The following TAF1C variants were observed in gnomAD, a reference collection of about 807,000 sequenced individuals.
The protein encoded by TAF1C is TATA-box binding protein associated factor, RNA polymerase I subunit C.
Under a neutral mutation model 70.5 loss-of-function variants are expected in TAF1C, and 79 were observed. The ratio of observed to expected loss-of-function variants is 1.12; its 90% CI spans 0.93 to 1.35. TAF1C has a LOEUF of 1.35. Ranked by LOEUF, TAF1C falls within the 40% of genes most tolerant of loss-of-function variation. The pLI, the probability that TAF1C is intolerant of heterozygous loss-of-function variation, is 0.00. For synonymous variants in TAF1C, 614 were observed against 491.1 expected (o/e 1.25, Z -3.31); for missense variants, 1,412 against 1,127.8 (o/e 1.25, Z -3.61).
At chr16:84,180,538 C>A (rs2089101811) in intron 12 of TAF1C, 194 bp from the exon 13 acceptor site, 2 of 634,656 alleles carry the variant, frequency 3.2e-6, no homozygotes, top group Non-Finnish European at 5.1e-6. Context: ...CCAATTCTGA[C>A]CGACAGTCCG....
In TAF1C at chr16:84,179,020, C is replaced by G. The variant is rs761233475; in HGVS notation, c.2453G>C (p.Arg818Pro). The G allele has an allele frequency of 6.2e-7, 1 of 1,610,712 alleles. No homozygotes were observed. Among genetic ancestry groups the G allele is most frequent in the African/African-American group, 1.3e-5 (1 of 75,040 alleles). The change falls in exon 15 of 15, where the codon CGG (arginine) becomes CCG (proline). Residue 818 changes from arginine to proline, a missense_variant. Physicochemically the swap from Arg to Pro is moderately radical, Grantham distance 103. Transcript: ENST00000566732. ...TPPHSQASSVRATRSQQHTPV... is the reference protein window; with the variant it reads ...TPPHSQASSVPATRSQQHTPV... ...TGTGTGCTGCTGGGAGCGAGTGGCC[C>G]GGACGCTGGAGGCCTGGGAGTGGGG... is the stretch of plus-strand genomic sequence containing the variant.
In TAF1C at chr16:84,177,900, A is replaced by G; in HGVS notation, c.*1041T>C. The stretch of plus-strand genomic sequence containing the variant: ...ATCATAAATGTCTCCCTTAGGCATG[A>G]TAAACATTTTAACACCCACGCGAGT... On this transcript the variant is annotated 3_prime_UTR_variant, in exon 15 of 15. Transcript: ENST00000566732. The G allele has an allele frequency of 6.9e-7, 1 of 1,443,968 alleles. No homozygotes were observed. Among genetic ancestry groups the G allele is most frequent in the South Asian group, 1.1e-5 (1 of 87,602 alleles). 89.4% of individuals were successfully genotyped at this position (1,443,968 alleles called of 1,614,324 possible).
At chr16:84,184,144 C>T (rs1004301472) in intron 2 of TAF1C, among the ~76,000 whole-genome samples, 6 of 152,200 alleles carry the variant, frequency 3.9e-5, no homozygotes, top group African/African-American at 9.7e-5. Context: ...TCTGGGAGCC[C>T]GGCAGGCGGC....
At chr16:84,184,709 A>G in intron 2 of TAF1C, 142 bp downstream of exon 2, 1 of 1,077,544 alleles carries the variant, frequency 9.3e-7, no homozygotes, top group Non-Finnish European at 1.3e-6. Flanking sequence ...TGTACCCCAG[A>G]GGAGGTGGCA....
chr16:84,185,206 G>A (rs1265286176), intron 1 of TAF1C, 146 bp from the exon 2 acceptor site: 2 of 485,574 alleles, frequency 4.1e-6, no homozygotes, highest in Non-Finnish European at 3.5e-6. Context: ...CTGGTAGTGG[G>A]CTGAGGGCGT....
In TAF1C at chr16:84,181,091, G is replaced by C. The variant is rs762203628; in HGVS notation, c.1260C>G (p.His420Gln). Residue 420 changes from histidine (H) to glutamine (Q), a missense_variant, in exon 12 of 15, where the codon CAC becomes CAG. Physicochemically the swap from His to Gln is conservative, Grantham distance 24. Transcript: ENST00000566732. ...TAGGGGGGAGGCATTTGGGGCTGGA[G>C]TGCCCCAGGTACTGGGTAAGCAGGA... Reference protein sequence around the residue: ...ERVLLTQYLGHSSPKCLPPTL... With the variant: ...ERVLLTQYLGQSSPKCLPPTL... The C allele has an allele frequency of 6.2e-6, 10 of 1,612,656 alleles. No homozygotes were observed. The South Asian group carries it at 7.7e-5, about 12-fold the overall frequency.
Position 84,180,956 on chromosome 16 carries a change from C to T in TAF1C, c.1308+87G>A, listed in dbSNP as rs1405149502. On this transcript the variant is annotated intron_variant, in intron 12 of 14. Coordinates refer to ENST00000566732, the MANE Select transcript of TAF1C (RefSeq NM_001243156.2). Reference sequence around the variant, plus strand: ...TGGTTTGCTGGGTGGTTGTCTGGGCCCAGCAGAGCCGCTGGTAAGCAGCAG... The same window carrying T: ...TGGTTTGCTGGGTGGTTGTCTGGGCTCAGCAGAGCCGCTGGTAAGCAGCAG... The T allele has an allele frequency of 4.7e-6, 7 of 1,480,966 alleles. No individual in the cohort carries two copies. In the Admixed American group the frequency reaches 7.4e-5, roughly 16 times the overall value. 91.7% of individuals were successfully genotyped at this position (1,480,966 alleles called of 1,614,324 possible).
Position 84,178,476 on chromosome 16 carries a change from C to T in TAF1C, c.*465G>A, listed in dbSNP as rs773906929. The T allele has an allele frequency of 5.7e-5, 26 of 459,994 alleles. No individual in the cohort carries two copies. The highest frequency in any genetic ancestry group is 9.6e-5 in the Non-Finnish European group (22 of 230,030). 28.5% of individuals were successfully genotyped at this position (459,994 alleles called of 1,614,324 possible). On this transcript the variant is annotated 3_prime_UTR_variant, in exon 15 of 15. Transcript: ENST00000566732. ...ACCGGGGCAGAGATTGACAAAGCAA[C>T]CCACAACAGCAGCTGCCAACGGCCG...
At chr16:84,185,766 G>T (rs1473178091) in intron 1 of TAF1C, among the ~76,000 whole-genome samples, 1 of 152,210 alleles carries the variant, frequency 6.6e-6, no homozygotes, top group Non-Finnish European at 1.5e-5. Flanking sequence ...CGGGCGTGGT[G>T]ACGCATGCCT....
chr16:84,183,854 C>T (rs767216512), intron 2 of TAF1C, 76 bp from the exon 3 acceptor site: 4 of 1,070,428 alleles, frequency 3.7e-6, no homozygotes, highest in Admixed American at 2.2e-5. Context: ...AGGCATTCAT[C>T]TCTTATCAAC....
In TAF1C at chr16:84,181,352, G is replaced by A. The variant is rs773288155; in HGVS notation, c.1140C>T (p.Thr380=). 22 of 1,613,606 alleles carry A rather than the reference G, an allele frequency of 1.4e-5. No homozygotes were observed. The Middle Eastern group carries it at 6.6e-4, about 48-fold the overall frequency. ...CCTGAGTGTCCAGCATCTTCACTCC[G>A]GTGCGGTCACCCACGGTCAGCACCC... The part of the protein sequence containing the change: ...HPRVLTVGDR[T]GVKMLDTQGP... The change falls in exon 11 of 15, where the codon ACC becomes ACT. Residue 380 remains threonine, a synonymous_variant. Transcript: ENST00000566732.
At chr16:84,184,412 C>T (rs1300400334) in intron 2 of TAF1C, among the ~76,000 whole-genome samples, 1 of 152,180 alleles carries the variant, frequency 6.6e-6, no homozygotes, top group East Asian at 1.9e-4. Context: ...GGATTCCAAG[C>T]AAAGGGCCAG....
rs202103587 is a variant in TAF1C at position 84,183,361 on chromosome 16, A to G, written c.319-28T>C. The G allele has an allele frequency of 3.1e-6, 5 of 1,613,878 alleles. No individual in the cohort carries two copies. In the Admixed American group the frequency reaches 6.7e-5, roughly 22 times the overall value. On this transcript the variant is annotated intron_variant, in intron 4 of 14. Transcript: ENST00000566732. ...GGGGAGAAGAGGAGGCCAGGTCACT[A>G]AGCACAGTCTCCAGGCTACGCAGCA...
Position 84,179,584 on chromosome 16 carries a change from G to C in TAF1C, c.1889C>G (p.Pro630Arg), listed in dbSNP as rs1481783555. 3 of 1,612,616 alleles carry C rather than the reference G, an allele frequency of 1.9e-6. No individual in the cohort carries two copies. In the South Asian group the frequency reaches 3.3e-5, roughly 18 times the overall value. Residue 630 changes from proline to arginine, a missense_variant, in exon 15 of 15, where the codon CCC becomes CGC. Transcript: ENST00000566732. ...VPLAPPVWTAPTFTHRQMLGS... is the reference protein window; with the variant it reads ...VPLAPPVWTARTFTHRQMLGS... ...CAGCATCTGGCGGTGGGTGAAGGTGGGTGCTGTCCACACAGGAGGAGCCAG... is the reference window on the plus strand; with the variant it reads ...CAGCATCTGGCGGTGGGTGAAGGTGCGTGCTGTCCACACAGGAGGAGCCAG...
Position 84,178,970 on chromosome 16 carries a change from G to C in TAF1C, c.2503C>G (p.Leu835Val). Residue 835 changes from leucine to valine, a missense_variant, in exon 15 of 15, where the codon CTC (leucine) becomes GTC (valine). Transcript: ENST00000566732. Reference protein sequence around the residue: ...HTPVLSSSQPLRKKPRMGF With the variant: ...HTPVLSSSQPVRKKPRMGF ...AAGCCCATTCGAGGCTTCTTCCGGAGGGGCTGAGAGCTAGAGAGGACGGGT... is the reference window on the plus strand; with the variant it reads ...AAGCCCATTCGAGGCTTCTTCCGGACGGGCTGAGAGCTAGAGAGGACGGGT... 6.2e-7 allele frequency: 1 copy of C among 1,610,480 alleles called. No homozygotes were observed. Among genetic ancestry groups the C allele is most frequent in the South Asian group, 1.1e-5 (1 of 91,014 alleles).
chr16:84,178,011 CTA>C lies in TAF1C; in HGVS notation c.*928_*929del, dbSNP rs748766247. On this transcript the variant is annotated 3_prime_UTR_variant, in exon 15 of 15. Transcript: ENST00000566732. ...AACCTGAAAAAAGACCTTTCTCTTA[CTA>C]TGTCATCAGAAACCAGACAGACCCG... 1 of 658,380 alleles carries C rather than the reference CTA, an allele frequency of 1.5e-6. No individual in the cohort carries two copies. Among genetic ancestry groups the C allele is most frequent in the South Asian group, 1.6e-5 (1 of 62,130 alleles). 40.8% of individuals were successfully genotyped at this position (658,380 alleles called of 1,614,324 possible). A position where few individuals can be genotyped will look rare whatever the true frequency, so the allele number is the denominator to read the frequency against.
Position 84,181,411 on chromosome 16 carries a change from A to T in TAF1C, c.1081T>A (p.Ser361Thr). The T allele has an allele frequency of 6.2e-7, 1 of 1,613,844 alleles. No homozygotes were observed. Among genetic ancestry groups the T allele is most frequent in the Non-Finnish European group, 8.5e-7 (1 of 1,180,000 alleles). The change falls in exon 11 of 15, where the codon TCG becomes ACG. Residue 361 changes from serine to threonine, a missense_variant. Physicochemically the swap from Ser to Thr is moderately conservative, Grantham distance 58 (BLOSUM62 1). Coordinates refer to ENST00000566732, the MANE Select transcript of TAF1C (RefSeq NM_001243156.2). Reference protein sequence around the residue: ...PETLVFRDSSSWRWADFTAHP... With the variant: ...PETLVFRDSSTWRWADFTAHP... ...GCAGTGAAGTCTGCCCAACGCCACG[A>T]AGAGGAGTCCCGGAACACGAGGGTC...
At position 84,179,178 on chromosome 16, in the gene TAF1C, C is replaced by G. The variant is rs748336014; in HGVS notation, c.2295G>C (p.Thr765=). 6.3e-7 allele frequency: 1 copy of G among 1,589,146 alleles called. No individual in the cohort carries two copies. Among genetic ancestry groups the G allele is most frequent in the Non-Finnish European group, 8.5e-7 (1 of 1,172,740 alleles). ...GAGTCAACTCCTGGGAGGGCGGGGT[C>G]GTGGGGGGCAGGGGCAGAGCATCAG... ...PPADALPLPP[T]TPPSQELTPD... is the part of the protein sequence containing the mutation. Residue 765 remains threonine, a synonymous_variant, in exon 15 of 15, where the codon ACG becomes ACC. Transcript: ENST00000566732.
At position 84,179,399 on chromosome 16, in the gene TAF1C, T is replaced by A. The variant is rs1275431593; in HGVS notation, c.2074A>T (p.Ser692Cys). Reference sequence around the variant, plus strand: ...GCCCAGGCTTCCCCCAGGCGCTCACTGAGCTTGTCCTCTAGGCCTGACTCG... The same window carrying A: ...GCCCAGGCTTCCCCCAGGCGCTCACAGAGCTTGTCCTCTAGGCCTGACTCG... The part of the protein sequence containing the change: ...APESGLEDKL[S>C]ERLGEAWAGR... The change falls in exon 15 of 15, where the codon AGT becomes TGT. Residue 692 changes from serine (S) to cysteine (C), a missense_variant. By Grantham distance (112) the Ser-to-Cys change is moderately radical. Transcript: ENST00000566732. The A allele has an allele frequency of 1.3e-6, 2 of 1,598,262 alleles. No individual in the cohort carries two copies. Among genetic ancestry groups the A allele is most frequent in the Admixed American group, 1.7e-5 (1 of 59,914 alleles).
Sources: gnomAD v4.1 joint callset for allele counts (sites outside exome capture counted in the v4.1 genomes callset) on GRCh38, gnomAD v4.1.1 for gene constraint, MANE v1.5 for transcripts, NCBI Gene and HGNC (gene_info 2026-07-23, HGNC 2026-07-21) for gene names.